The following BRIP1 variants were observed in gnomAD, a reference collection of about 807,000 sequenced individuals.
The protein encoded by BRIP1 is Fanconi anemia group J protein.
Under a neutral mutation model 119.7 loss-of-function variants are expected in BRIP1, and 88 were observed. That is an observed-to-expected ratio of 0.74 (90% confidence interval 0.62 to 0.88). The LOEUF (loss-of-function observed/expected upper bound fraction) is 0.88, where lower values mean the gene tolerates loss of function less well. Among genes scored for constraint, BRIP1 ranks in the 40% least tolerant of loss-of-function variants. The probability of loss-of-function intolerance (pLI) is 0.00; values close to 1 mark genes in which losing one functional copy is unlikely to be tolerated. For missense variants in BRIP1, 1,259 were observed against 1,455.4 expected, an observed-to-expected ratio of 0.87 and a Z score of 2.20; for synonymous variants, 443 against 496.5, an observed-to-expected ratio of 0.89 and a Z score of 1.43.
rs1479931557 is a variant in BRIP1 at position 61,699,629 on chromosome 17, AAT to A, written c.2493-6119_2493-6118del. Among the ~76,000 whole-genome samples, 1 of 152,194 alleles carries A rather than the reference AAT, an allele frequency of 6.6e-6. No homozygotes were observed. The highest frequency in any genetic ancestry group is 2.4e-5 in the African/African-American group (1 of 41,458). ...TAAACATTGTATGCTGGTGCAGAAGAATTAACATTGTAGGTTGGATTGTTTAC... is the reference window on the plus strand; with the variant it reads ...TAAACATTGTATGCTGGTGCAGAAGATAACATTGTAGGTTGGATTGTTTAC... On this transcript the variant is annotated intron_variant, in intron 17 of 19. Coordinates refer to ENST00000259008, the MANE Select transcript of BRIP1 (RefSeq NM_032043.3). The surrounding 1 kb of genome is among the most constrained non-coding windows in gnomAD (Gnocchi z 4.8).
At position 61,860,614 on chromosome 17, in the gene BRIP1, C is replaced by T. The variant is rs996767009; in HGVS notation, c.94-707G>A. Among the ~76,000 whole-genome samples, 2 of 152,092 alleles carry T rather than the reference C, an allele frequency of 1.3e-5. No individual in the cohort carries two copies. The highest frequency in any genetic ancestry group is 4.8e-5 in the African/African-American group (2 of 41,414). The stretch of plus-strand genomic sequence containing the variant: ...GGCAGGGGTTGCAGTGAGCCAAGAT[C>T]GCGCCACTGCACTCCAATCTGGGCG... On this transcript the variant is annotated intron_variant, in intron 2 of 19. Coordinates refer to ENST00000259008, the MANE Select transcript of BRIP1 (RefSeq NM_032043.3). This position sits in a 1 kb window ranked among gnomAD's most constrained non-coding sequence, Gnocchi z 4.1.
chr17:61,852,818 T>C lies in BRIP1; in HGVS notation c.380-3562A>G, dbSNP rs1235261021. Among the ~76,000 whole-genome samples the C allele has an allele frequency of 6.6e-6, 1 of 152,190 alleles. No individual in the cohort carries two copies. Among genetic ancestry groups the C allele is most frequent in the East Asian group, 1.9e-4 (1 of 5,200 alleles). On this transcript the variant is annotated intron_variant, in intron 4 of 19. Coordinates refer to ENST00000259008, the MANE Select transcript of BRIP1 (RefSeq NM_032043.3). The surrounding 1 kb of genome is among the most constrained non-coding windows in gnomAD (Gnocchi z 4.9). Reference sequence around the variant, plus strand: ...ACACATACACAAGAATGACTAACTTTTTTTTTAAACTATAAATATCAAGTA... The same window carrying C: ...ACACATACACAAGAATGACTAACTTCTTTTTTAAACTATAAATATCAAGTA...
At position 61,753,286 on chromosome 17, in the gene BRIP1, A is replaced by T. The variant is rs749376820; in HGVS notation, c.2098-8695T>A. On this transcript the variant is annotated intron_variant, in intron 14 of 19. Transcript: ENST00000259008. The surrounding 1 kb of genome is among the most constrained non-coding windows in gnomAD (Gnocchi z 4.6). ...ATTCCTTTTAAAAAATAAATCACCC[A>T]GTTTCAGGTAGTCTGTTACAAGCAA... Among the ~76,000 whole-genome samples, 3 of 152,186 alleles carry T rather than the reference A, an allele frequency of 2.0e-5. No individual in the cohort carries two copies. The highest frequency in any genetic ancestry group is 4.4e-5 in the Non-Finnish European group (3 of 68,026).
chr17:61,709,396 C>T lies in BRIP1; in HGVS notation c.2492+6555G>A, dbSNP rs1464730867. Among the ~76,000 whole-genome samples the T allele has an allele frequency of 6.6e-6, 1 of 151,880 alleles. No homozygotes were observed. Among genetic ancestry groups the T allele is most frequent in the South Asian group, 2.1e-4 (1 of 4,822 alleles). ...GTAACATAAATGTTCAATTTTTCTA[C>T]AAAGACAAAAAAAATCTAAATTTTA... On this transcript the variant is annotated intron_variant, in intron 17 of 19. Coordinates refer to ENST00000259008, the MANE Select transcript of BRIP1 (RefSeq NM_032043.3). This position sits in a 1 kb window ranked among gnomAD's most constrained non-coding sequence, Gnocchi z 5.0.
rs1035854591 is a variant in BRIP1 at position 61,709,533 on chromosome 17, G to A, written c.2492+6418C>T. 6.6e-6 allele frequency among the ~76,000 whole-genome samples: 1 copy of A among 152,190 alleles called. No individual in the cohort carries two copies. The highest frequency in any genetic ancestry group is 2.4e-5 in the African/African-American group (1 of 41,452). On this transcript the variant is annotated intron_variant, in intron 17 of 19. Coordinates refer to ENST00000259008, the MANE Select transcript of BRIP1 (RefSeq NM_032043.3). This position sits in a 1 kb window ranked among gnomAD's most constrained non-coding sequence, Gnocchi z 5.0. Reference sequence around the variant, plus strand: ...TTAATATTGTCAATACTACAGAAGAGTATTGAAAGTCAATGGAAAGTCAGT... The same window carrying A: ...TTAATATTGTCAATACTACAGAAGAATATTGAAAGTCAATGGAAAGTCAGT...
chr17:61,859,049 C>CAAAAAAAAA (rs34782273), intron 3 of BRIP1, among the ~76,000 whole-genome samples: 2 of 45,138 alleles, frequency 4.4e-5, no homozygotes. Flanking sequence ...TGACGCCACT[C>CAAAAAAAAA]AAAAAAAAAA....
chr17:61,788,823 G>A (rs1447707632), intron 10 of BRIP1, among the ~76,000 whole-genome samples: 1 of 152,096 alleles, frequency 6.6e-6, no homozygotes, highest in African/African-American at 2.4e-5. Flanking sequence ...CCAGGCACGG[G>A]TGGCTCATGC....
At position 61,736,793 on chromosome 17, in the gene BRIP1, A is replaced by C. The variant is rs561783104; in HGVS notation, c.2379+6220T>G. 2.7e-4 allele frequency among the ~76,000 whole-genome samples: 41 copies of C among 152,322 alleles called. 1 individual carries two copies. The highest frequency in any genetic ancestry group is 8.4e-4 in the African/African-American group (35 of 41,586). On this transcript the variant is annotated intron_variant, in intron 16 of 19. Coordinates refer to ENST00000259008, the MANE Select transcript of BRIP1 (RefSeq NM_032043.3). This position sits in a 1 kb window ranked among gnomAD's most constrained non-coding sequence, Gnocchi z 4.4. ...ATCCCTATCCTCAAGGTACACCATG[A>C]AACAGATTATAAAACATCTTTATAA...
Position 61,801,342 on chromosome 17 carries a change from G to T in BRIP1, c.1051C>A (p.Pro351Thr). 1.9e-6 allele frequency: 3 copies of T among 1,613,984 alleles called. No individual in the cohort carries two copies. Among genetic ancestry groups the T allele is most frequent in the Non-Finnish European group, 1.7e-6 (2 of 1,179,938 alleles). ...ATTAGTTCTCGGGCTGTGTAATATG[G>T]ACAGGCCTTTAGTTTCTTCCCCAGG... is the stretch of plus-strand genomic sequence containing the variant. ...VSLGKKLKAC[P>T]YYTARELIQD... The change falls in exon 8 of 20, where the codon CCA becomes ACA. Residue 351 changes from proline (P) to threonine (T), a missense_variant. By Grantham distance (38) the Pro-to-Thr change is conservative. Transcript: ENST00000259008.
At chr17:61,791,511 G>A (rs200063250) in intron 10 of BRIP1, among the ~76,000 whole-genome samples, 8,547 of 54,416 alleles carry the variant, frequency 0.16, 18 homozygotes, top group South Asian at 0.18. Context: ...AAAAAAAAAA[G>A]AATTTGAGTT....
chr17:61,843,655 T>C lies in BRIP1; in HGVS notation c.627+3446A>G, dbSNP rs965400732. ...TGTCCTCTCTTTCCATGTGACAAGT[T>C]TGCTCTCTCTTTGTCTTCTGGCATG... On this transcript the variant is annotated intron_variant, in intron 6 of 19. Transcript: ENST00000259008. The surrounding 1 kb of genome is among the most constrained non-coding windows in gnomAD (Gnocchi z 5.7). Among the ~76,000 whole-genome samples, 4 of 152,098 alleles carry C rather than the reference T, an allele frequency of 2.6e-5. No homozygotes were observed. Among genetic ancestry groups the C allele is most frequent in the African/African-American group, 9.7e-5 (4 of 41,420 alleles).
rs1189699330 is a variant in BRIP1, at chr17:61,831,745, G to T, written c.627+15356C>A. ...CTGCTTTCAATTCTTTTGGATATTTGCCTAGAAATGTTATTTCTGGACCAT... is the reference window on the plus strand; with the variant it reads ...CTGCTTTCAATTCTTTTGGATATTTTCCTAGAAATGTTATTTCTGGACCAT... On this transcript the variant is annotated intron_variant, in intron 6 of 19. Transcript: ENST00000259008. This position sits in a 1 kb window ranked among gnomAD's most constrained non-coding sequence, Gnocchi z 4.1. Among the ~76,000 whole-genome samples the T allele has an allele frequency of 6.6e-6, 1 of 152,042 alleles. No homozygotes were observed. Among genetic ancestry groups the T allele is most frequent in the Non-Finnish European group, 1.5e-5 (1 of 68,000 alleles).
intron 4 of BRIP1, among the ~76,000 whole-genome samples, chr17:61,854,743 A>G (rs2078871679): frequency 6.6e-6 from 1 of 151,656 alleles, no homozygotes; most frequent in Non-Finnish European, 1.5e-5. Flanking sequence ...ATACACACCT[A>G]CAAAGCAATC....
intron 14 of BRIP1, among the ~76,000 whole-genome samples, chr17:61,765,379 T>TTTTATA (rs2077340503): frequency 2.6e-5 from 1 of 37,740 alleles, no homozygotes; most frequent in Non-Finnish European, 4.5e-5. Flanking sequence ...TGTGTATATA[T>TTTTATA]TATATATATA....
rs144349084 is a variant in BRIP1 at position 61,824,538 on chromosome 17, C to T, written c.628-15781G>A. On this transcript the variant is annotated intron_variant, in intron 6 of 19. Transcript: ENST00000259008. This position sits in a 1 kb window ranked among gnomAD's most constrained non-coding sequence, Gnocchi z 4.3. ...ATATGGTCAAATAATTTTCAGCAGC[C>T]TATCAAGACCATTCAATGGGAAAAG... Among the ~76,000 whole-genome samples the T allele has an allele frequency of 6.6e-5, 10 of 152,240 alleles. No individual in the cohort carries two copies. The highest frequency in any genetic ancestry group is 2.1e-4 in the South Asian group (1 of 4,816).
rs2061601205 is a variant in BRIP1 at position 61,700,720 on chromosome 17, T to C, written c.2493-7208A>G. On this transcript the variant is annotated intron_variant, in intron 17 of 19. Transcript: ENST00000259008. This position sits in a 1 kb window ranked among gnomAD's most constrained non-coding sequence, Gnocchi z 4.1. ...AAATTCGGAACGTTTTCAGCCATAA[T>C]TTCTTTAAATATTCTTTCTATTCTT... is the stretch of plus-strand genomic sequence containing the variant. Among the ~76,000 whole-genome samples, 2 of 152,172 alleles carry C rather than the reference T, an allele frequency of 1.3e-5. No homozygotes were observed. Among genetic ancestry groups the C allele is most frequent in the African/African-American group, 2.4e-5 (1 of 41,450 alleles).
At chr17:61,692,967 A>G (rs2061469492) in intron 18 of BRIP1, among the ~76,000 whole-genome samples, 1 of 152,230 alleles carries the variant, frequency 6.6e-6, no homozygotes, top group South Asian at 2.1e-4. Flanking sequence ...GAAACAACCT[A>G]AATGTCTACT....
At position 61,744,510 on chromosome 17, in the gene BRIP1, G is replaced by A. The variant is rs769797684; in HGVS notation, c.2179C>T (p.Pro727Ser). The stretch of plus-strand genomic sequence containing the variant: ...AAATTTGTTTTTTCTCCTCCCTGTG[G>A]TTCTACAATGACTGTCTTCACCAAC... Reference protein sequence around the residue: ...LELVKTVIVEPQGGEKTNFDE... With the variant: ...LELVKTVIVESQGGEKTNFDE... The change falls in exon 15 of 20, where the codon CCA becomes TCA. Residue 727 changes from proline (P) to serine (S), a missense_variant. Transcript: ENST00000259008. This position sits in a 1 kb window ranked among gnomAD's most constrained non-coding sequence, Gnocchi z 5.0. 6.2e-7 allele frequency: 1 copy of A among 1,613,532 alleles called. No homozygotes were observed. Among genetic ancestry groups the A allele is most frequent in the Non-Finnish European group, 8.5e-7 (1 of 1,179,660 alleles).
At chr17:61,835,781 T>A (rs2078562976) in intron 6 of BRIP1, among the ~76,000 whole-genome samples, 1 of 151,874 alleles carries the variant, frequency 6.6e-6, no homozygotes, top group Non-Finnish European at 1.5e-5. Context: ...CAGCAAAACT[T>A]CAAAACTGGA....
Sources: allele counts gnomAD v4.1 joint callset (sites outside exome capture counted in the v4.1 genomes callset), GRCh38; gene constraint gnomAD v4.1.1; non-coding constraint Gnocchi (gnomAD v3.1); transcripts MANE v1.5; gene names NCBI Gene and HGNC (gene_info 2026-07-23, HGNC 2026-07-21).